PPARGC1A: variants seen among roughly 807,000 people sequenced by gnomAD.
PPARGC1A encodes PPARG coactivator 1 alpha.
A neutral mutation model predicts 88.7 loss-of-function variants in PPARGC1A; 25 were observed. The ratio of observed to expected loss-of-function variants is 0.28; its 90% CI spans 0.21 to 0.39. The LOEUF is 0.39. Among genes scored for constraint, PPARGC1A ranks in the 10% least tolerant of loss-of-function variants. The pLI is 1.00. For missense variants in PPARGC1A, 880 were observed against 968.7 expected (o/e 0.91, Z 1.22); for synonymous variants, 363 against 355.6 (o/e 1.02, Z -0.24).
chr4:23,877,982 T>C (rs1715149414), intron 2 of PPARGC1A: 1 of 152,166 alleles, frequency 6.6e-6, no homozygotes, highest in African/African-American at 2.4e-5. Context: ...CCCTGAACCT[T>C]GTGATTACTT....
chr4:23,852,260 A>G (rs1204503049), intron 2 of PPARGC1A, among the ~76,000 whole-genome samples: 1 of 152,220 alleles, frequency 6.6e-6, no homozygotes, highest in Non-Finnish European at 1.5e-5. Context: ...TGCCTACAAA[A>G]GGTTTTTAAA....
At chr4:24,115,319 T>A in the PPARGC1A span, among the ~76,000 whole-genome samples, 1 of 152,292 alleles carries the variant, frequency 6.6e-6, no homozygotes, top group East Asian at 1.9e-4. Context: ...GTCATTTTTT[T>A]AAATCGGTAA....
chr4:24,033,284 G>A, the PPARGC1A span, among the ~76,000 whole-genome samples: 1 of 152,114 alleles, frequency 6.6e-6, no homozygotes, highest in Admixed American at 6.5e-5. Flanking sequence ...ACAACTAAAT[G>A]GGTCGATATA....
At chr4:24,002,091 C>CAGAG in the PPARGC1A span, among the ~76,000 whole-genome samples, 1,996 of 137,220 alleles carry the variant, frequency 0.015, 31 homozygotes, top group African/African-American at 0.057. Flanking sequence ...CACACACACA[C>CAGAG]ACACACAGAG....
At chr4:23,869,398 T>C (rs9996943) in intron 2 of PPARGC1A, among the ~76,000 whole-genome samples, 91,847 of 151,874 alleles carry the variant, frequency 0.6, 28,026 homozygotes, top group African/African-American at 0.65. Flanking sequence ...AATGAAGGGT[T>C]GTGGCCCGAC....
At chr4:24,129,413 A>C in the PPARGC1A span, among the ~76,000 whole-genome samples, 2 of 152,214 alleles carry the variant, frequency 1.3e-5, no homozygotes, top group Non-Finnish European at 2.9e-5. Context: ...CAAATGGCTC[A>C]TTATTCTAAT....
the PPARGC1A span, among the ~76,000 whole-genome samples, chr4:24,363,225 G>A: frequency 3.3e-5 from 5 of 152,164 alleles, no homozygotes; most frequent in African/African-American, 4.8e-5. Flanking sequence ...TTTCATCAGA[G>A]AAAAATTGGG....
chr4:24,102,284 T>C, the PPARGC1A span, among the ~76,000 whole-genome samples: 1 of 152,238 alleles, frequency 6.6e-6, no homozygotes, highest in Non-Finnish European at 1.5e-5. Flanking sequence ...CCCTAAACTA[T>C]AGATTCCTTT....
At chr4:24,360,224 A>C in the PPARGC1A span, among the ~76,000 whole-genome samples, 1 of 152,152 alleles carries the variant, frequency 6.6e-6, no homozygotes, top group African/African-American at 2.4e-5. Context: ...ACCACGGTCC[A>C]TTTTCCACAA....
the PPARGC1A span, among the ~76,000 whole-genome samples, chr4:23,936,586 A>C: frequency 6.6e-6 from 1 of 152,124 alleles, no homozygotes; most frequent in East Asian, 1.9e-4. Flanking sequence ...AAAATATAAA[A>C]TTCAGCCAGG....
chr4:24,112,138 C>G, the PPARGC1A span, among the ~76,000 whole-genome samples: 2 of 152,118 alleles, frequency 1.3e-5, no homozygotes, highest in Non-Finnish European at 2.9e-5. Flanking sequence ...GAATTAAAAC[C>G]TCTAAGTCAG....
the PPARGC1A span, among the ~76,000 whole-genome samples, chr4:24,270,798 T>C: frequency 1.3e-5 from 2 of 152,314 alleles, no homozygotes; most frequent in South Asian, 2.1e-4. Context: ...ACTCTTAAAA[T>C]GAAGAGTTTT....
At chr4:23,800,289 T>A (rs1718429753) in intron 12 of PPARGC1A, among the ~76,000 whole-genome samples, 1 of 152,102 alleles carries the variant, frequency 6.6e-6, no homozygotes, top group South Asian at 2.1e-4. Context: ...CACAAGACAC[T>A]TATCACTTTC....
chr4:24,201,316 G>A, the PPARGC1A span, among the ~76,000 whole-genome samples: 1 of 152,188 alleles, frequency 6.6e-6, no homozygotes, highest in Non-Finnish European at 1.5e-5. Context: ...CTTTCCTGAG[G>A]ACAAGGGGCC....
the PPARGC1A span, among the ~76,000 whole-genome samples, chr4:24,283,703 T>C: frequency 6.6e-6 from 1 of 152,272 alleles, no homozygotes; most frequent in Non-Finnish European, 1.5e-5. Context: ...GCAGAGGCCC[T>C]GGGCCCATAC....
chr4:24,191,380 C>T, the PPARGC1A span, among the ~76,000 whole-genome samples: 2 of 152,184 alleles, frequency 1.3e-5, no homozygotes, highest in East Asian at 1.9e-4. Flanking sequence ...GGAGGCGATT[C>T]GCAAAAGGTT....
rs115946761 is a variant in PPARGC1A, at chr4:23,851,691, A to G, written c.235-19940T>C. On this transcript the variant is annotated intron_variant, in intron 2 of 12. Transcript: ENST00000264867. Reference sequence around the variant, plus strand: ...TGTGAACGCATTACTAAATATATCAACATTACCATATTAACTGCTCTGTTC... The same window carrying G: ...TGTGAACGCATTACTAAATATATCAGCATTACCATATTAACTGCTCTGTTC... 9.7e-4 allele frequency among the ~76,000 whole-genome samples: 148 copies of G among 152,256 alleles called. 1 individual carries two copies. Among genetic ancestry groups the G allele is most frequent in the Middle Eastern group, 3.4e-3 (1 of 294 alleles).
the PPARGC1A span, among the ~76,000 whole-genome samples, chr4:23,997,217 C>CT: frequency 1.3e-5 from 2 of 151,980 alleles, no homozygotes; most frequent in South Asian, 4.1e-4. Context: ...AGCTTCATGT[C>CT]TTTTTTTATT....
chr4:23,832,612 CTTTTTTT>C (rs570752359), intron 2 of PPARGC1A, among the ~76,000 whole-genome samples: 1 of 131,834 alleles, frequency 7.6e-6, no homozygotes, highest in African/African-American at 3.0e-5. Flanking sequence ...TTTTCTTTTT[CTTTTTTT>C]TTTTTTTTGA....
Sources: gnomAD v4.1 joint callset for allele counts (sites outside exome capture counted in the v4.1 genomes callset) on GRCh38, gnomAD v4.1.1 for gene constraint, MANE v1.5 for transcripts, NCBI Gene and HGNC (gene_info 2026-07-23, HGNC 2026-07-21) for gene names.